The following PAQR7 variants were observed in gnomAD, a reference collection of about 807,000 sequenced individuals.
PAQR7 encodes membrane progestin receptor alpha.
In PAQR7, 14 loss-of-function variants were observed where a neutral mutation model predicts 24.6. The observed-to-expected ratio is 0.57, with a 90% confidence interval of 0.38 to 0.89. PAQR7 has a LOEUF of 0.89. PAQR7 is among the 40% of genes least tolerant of loss of function. The pLI is 0.00. For synonymous variants in PAQR7, 189 were observed against 198.8 expected (o/e 0.95, Z 0.42); for missense variants, 351 against 444.0 (o/e 0.79, Z 1.88).
rs766667879 is a variant in PAQR7, at chr1:25,863,182, G to T, written c.658C>A (p.Pro220Thr). 1 of 1,614,256 alleles carries T rather than the reference G, an allele frequency of 6.2e-7. No individual in the cohort carries two copies. The highest frequency in any genetic ancestry group is 8.5e-7 in the Non-Finnish European group (1 of 1,180,050). ...SVLAYALDIS[P>T]VVHRIFVSSD... is the part of the protein sequence containing the mutation. The stretch of plus-strand genomic sequence containing the variant: ...GACACGAAGATACGATGCACCACAG[G>T]ACTAATGTCCAGTGCGTAGGCCAGG... The change falls in exon 3 of 3, where the codon CCT (proline) becomes ACT (threonine). Residue 220 changes from proline to threonine, a missense_variant. Transcript: ENST00000675840. This position sits in a 1 kb window ranked among gnomAD's most constrained non-coding sequence, Gnocchi z 6.1.
At chr1:25,865,449 C>T (rs1168006236) in intron 2 of PAQR7, among the ~76,000 whole-genome samples, 1 of 152,016 alleles carries the variant, frequency 6.6e-6, no homozygotes, top group African/African-American at 2.4e-5. Context: ...CTGAGGCAGG[C>T]GGATCACCTG....
At chr1:25,865,532 G>A (rs2048549978) in intron 2 of PAQR7, among the ~76,000 whole-genome samples, 2 of 152,074 alleles carry the variant, frequency 1.3e-5, no homozygotes, top group South Asian at 2.1e-4. Context: ...AAACTAGGCC[G>A]GGCATGGTGG....
At chr1:25,872,284 G>C (rs899050107) in intron 1 of PAQR7, among the ~76,000 whole-genome samples, 95 of 152,048 alleles carry the variant, frequency 6.2e-4, no homozygotes, top group African/African-American at 2.2e-3. Context: ...TGTGACCTTG[G>C]ACAAGTCCCC....
At chr1:25,864,480 C>G (rs2048540491) in intron 2 of PAQR7, among the ~76,000 whole-genome samples, 1 of 152,218 alleles carries the variant, frequency 6.6e-6, no homozygotes, top group African/African-American at 2.4e-5. Flanking sequence ...TTTCACATGT[C>G]TGTAGCTTTA....
intron 2 of PAQR7, among the ~76,000 whole-genome samples, chr1:25,870,047 CCTCCTGA>C (rs1477950077): frequency 6.6e-6 from 1 of 152,164 alleles, no homozygotes; most frequent in African/African-American, 2.4e-5. Context: ...TTAGTTTCCA[CCTCCTGA>C]CTCCATGGAA....
At chr1:25,868,564 G>A (rs192126868) in intron 2 of PAQR7, among the ~76,000 whole-genome samples, 4 of 151,990 alleles carry the variant, frequency 2.6e-5, no homozygotes, top group East Asian at 3.9e-4. Context: ...ACAAAAATTC[G>A]CCAGGTGTGG....
chr1:25,867,763 C>A (rs1235026456), intron 2 of PAQR7, among the ~76,000 whole-genome samples: 1 of 152,248 alleles, frequency 6.6e-6, no homozygotes, highest in South Asian at 2.1e-4. Context: ...CCCACAAGCC[C>A]ACATCTCCAG....
chr1:25,872,317 CA>C (rs2048612545), intron 1 of PAQR7, among the ~76,000 whole-genome samples: 1 of 152,098 alleles, frequency 6.6e-6, no homozygotes, highest in Admixed American at 6.6e-5. Flanking sequence ...CCTGTTTCTC[CA>C]AATGTCAAAG....
At chr1:25,867,684 TA>T (rs1393063051) in intron 2 of PAQR7, among the ~76,000 whole-genome samples, 2 of 152,132 alleles carry the variant, frequency 1.3e-5, no homozygotes, top group Non-Finnish European at 2.9e-5. Flanking sequence ...ACCAATCAAA[TA>T]AGTCACACAC....
rs1293946945 is a variant in PAQR7, at chr1:25,863,802, C to T, written c.38G>A (p.Ser13Asn). The T allele has an allele frequency of 1.2e-6, 2 of 1,613,396 alleles. No homozygotes were observed. Among genetic ancestry groups the T allele is most frequent in the Non-Finnish European group, 8.5e-7 (1 of 1,179,842 alleles). Reference protein sequence around the residue: ...MAQKLSHLLPSLRQVIQEPQL... With the variant: ...MAQKLSHLLPNLRQVIQEPQL... ...AGGCTCCTGGATGACCTGCCGCAGACTCGGCAGGAGGTGGCTGAGTTTCTG... is the reference window on the plus strand; with the variant it reads ...AGGCTCCTGGATGACCTGCCGCAGATTCGGCAGGAGGTGGCTGAGTTTCTG... Residue 13 changes from serine (S) to asparagine (N), a missense_variant, in exon 3 of 3, where the codon AGT becomes AAT. Ser to Asn is a conservative substitution (Grantham distance 46). Transcript: ENST00000675840. This position sits in a 1 kb window ranked among gnomAD's most constrained non-coding sequence, Gnocchi z 6.1.
At position 25,863,997 on chromosome 1, in the gene PAQR7, G is replaced by T; in HGVS notation, c.-22-136C>A. 3.0e-6 allele frequency: 2 copies of T among 661,004 alleles called. No individual in the cohort carries two copies. The highest frequency in any genetic ancestry group is 5.1e-6 in the Non-Finnish European group (2 of 394,944). 40.9% of individuals were successfully genotyped at this position (661,004 alleles called of 1,614,324 possible). On this transcript the variant is annotated intron_variant, in intron 2 of 2. Transcript: ENST00000675840. This position sits in a 1 kb window ranked among gnomAD's most constrained non-coding sequence, Gnocchi z 6.1. ...CCTTACACTCGGTTTAAGAACAGAAGACTCATCCTATGGAATTCCTCATCT... is the reference window on the plus strand; with the variant it reads ...CCTTACACTCGGTTTAAGAACAGAATACTCATCCTATGGAATTCCTCATCT...
At chr1:25,866,539 A>G (rs1489070169) in intron 2 of PAQR7, among the ~76,000 whole-genome samples, 1 of 152,188 alleles carries the variant, frequency 6.6e-6, no homozygotes, top group Non-Finnish European at 1.5e-5. Flanking sequence ...ACAAAAACAA[A>G]TCATAGCAAA....
chr1:25,868,148 G>A (rs182901122), intron 2 of PAQR7, among the ~76,000 whole-genome samples: 2 of 152,148 alleles, frequency 1.3e-5, no homozygotes, highest in African/African-American at 4.8e-5. Context: ...GAGAACCTTG[G>A]GGGGACCAGA....
chr1:25,863,161 C>T lies in PAQR7; in HGVS notation c.679G>A (p.Val227Met), dbSNP rs55948644. ...DISPVVHRIF[V>M]SSDPTTDDPA... is the part of the protein sequence containing the mutation. ...TCATCCGTGGTGGGGTCGGAGGACA[C>T]GAAGATACGATGCACCACAGGACTA... The change falls in exon 3 of 3, where the codon GTG becomes ATG. Residue 227 changes from valine to methionine, a missense_variant. Physicochemically the swap from Val to Met is conservative, Grantham distance 21. Coordinates refer to ENST00000675840, the MANE Select transcript of PAQR7 (RefSeq NM_178422.6). This position sits in a 1 kb window ranked among gnomAD's most constrained non-coding sequence, Gnocchi z 6.1. 18,629 of 1,614,130 alleles carry T rather than the reference C, an allele frequency of 0.012. 1,813 individuals carry two copies. In the African/African-American group the frequency reaches 0.22, roughly 19 times the overall value.
rs534306534 is a variant in PAQR7 at position 25,863,583 on chromosome 1, A to G, written c.257T>C (p.Leu86Pro). 1.2e-6 allele frequency: 2 copies of G among 1,614,254 alleles called. No homozygotes were observed. The highest frequency in any genetic ancestry group is 2.2e-5 in the South Asian group (2 of 91,086). Residue 86 changes from leucine to proline, a missense_variant, in exon 3 of 3, where the codon CTG becomes CCG. Transcript: ENST00000675840. This position sits in a 1 kb window ranked among gnomAD's most constrained non-coding sequence, Gnocchi z 6.1. ...WTHLLAALVL[L>P]LRLALFVETV... ...CTCCACAAAGAGGGCCAGCCGCAGC[A>G]GCAGTACCAGGGCCGCCAGCAGGTG...
chr1:25,872,646 G>A (rs1345705022), intron 1 of PAQR7, among the ~76,000 whole-genome samples: 5 of 151,630 alleles, frequency 3.3e-5, no homozygotes, highest in Non-Finnish European at 7.4e-5. Context: ...TTGAGTAGTT[G>A]GGAATCACAG....
At position 25,862,012 on chromosome 1, in the gene PAQR7, CAAAAAAAAAAAAAAAAAA is replaced by C. The variant is rs536655473; in HGVS notation, c.*769_*786del. On this transcript the variant is annotated 3_prime_UTR_variant, in exon 3 of 3. Transcript: ENST00000675840. ...CCTAGCCAACAAGAGCGAAACTCCT[CAAAAAAAAAAAAAAAAAA>C]AAAAAAAAAAAAAGCCTTTGTCATC... The C allele has an allele frequency of 5.7e-4, 15 of 26,304 alleles. No individual in the cohort carries two copies. Among genetic ancestry groups the C allele is most frequent in the Admixed American group, 1.6e-3 (2 of 1,274 alleles). The allele number at this position is 26,304 out of a possible 1,614,324, so 1.6% of individuals were successfully genotyped here. A position where few individuals can be genotyped will look rare whatever the true frequency, so the allele number is the denominator to read the frequency against.
chr1:25,871,833 A>G (rs2048608092), intron 1 of PAQR7, among the ~76,000 whole-genome samples: 1 of 152,198 alleles, frequency 6.6e-6, no homozygotes, highest in African/African-American at 2.4e-5. Flanking sequence ...GTGCTGGGGC[A>G]CACAGAAAAT....
rs191122200 is a variant in PAQR7 at position 25,868,004 on chromosome 1, C to G, written c.-23+2605G>C. On this transcript the variant is annotated intron_variant, in intron 2 of 2. Transcript: ENST00000675840. ...CACTAATTGACGGGGCCACTTCCATCCAGAGCACAAGACCTCCCTTGGCCA... is the reference window on the plus strand; with the variant it reads ...CACTAATTGACGGGGCCACTTCCATGCAGAGCACAAGACCTCCCTTGGCCA... 1.1e-3 allele frequency among the ~76,000 whole-genome samples: 162 copies of G among 152,332 alleles called. 2 individuals are homozygous for G. The highest frequency in any genetic ancestry group is 3.7e-3 in the African/African-American group (154 of 41,560).
Sources: allele counts gnomAD v4.1 joint callset (sites outside exome capture counted in the v4.1 genomes callset), GRCh38; gene constraint gnomAD v4.1.1; non-coding constraint Gnocchi (gnomAD v3.1); transcripts MANE v1.5; gene names NCBI Gene and HGNC (gene_info 2026-07-23, HGNC 2026-07-21).